XPR1: variants seen among roughly 807,000 people sequenced by gnomAD.
XPR1 encodes xenotropic and polytropic retrovirus receptor 1.
XPR1 carries 28 observed loss-of-function variants against 87.5 expected under a neutral mutation model. The observed-to-expected ratio is 0.32, with a 90% CI of 0.24 to 0.44. The LOEUF (loss-of-function observed/expected upper bound fraction) is 0.44, where lower values mean the gene tolerates loss of function less well. Among genes scored for constraint, XPR1 ranks in the 20% least tolerant of loss-of-function variants. XPR1 has a pLI of 1.00. For missense variants in XPR1, 559 were observed against 862.3 expected (o/e 0.65, Z 4.41); for synonymous variants, 300 against 306.1 (o/e 0.98, Z 0.21).
At chr1:180,663,961 A>T (rs555416373) in intron 1 of XPR1, among the ~76,000 whole-genome samples, 3 of 152,082 alleles carry the variant, frequency 2.0e-5, no homozygotes, top group Non-Finnish European at 4.4e-5. Context: ...ACCAATGTGC[A>T]CTTATGGCCC....
chr1:180,886,454 C>G lies in XPR1; in HGVS notation c.*2388C>G, dbSNP rs1653014440. ...CTGTTTGAATTCCCCAGTGTTTTTACATTAATGTATCCTATGGCCAGTTTA... is the reference window on the plus strand; with the variant it reads ...CTGTTTGAATTCCCCAGTGTTTTTAGATTAATGTATCCTATGGCCAGTTTA... On this transcript the variant is annotated 3_prime_UTR_variant, in exon 15 of 15. Transcript: ENST00000367590. 1 of 152,210 alleles carries G rather than the reference C, an allele frequency of 6.6e-6. No individual in the cohort carries two copies. The highest frequency in any genetic ancestry group is 2.1e-4 in the South Asian group (1 of 4,830). The allele number at this position is 152,210 out of a possible 1,614,324, so 9.4% of individuals were successfully genotyped here.
chr1:180,650,160 G>C (rs933630309), intron 1 of XPR1, among the ~76,000 whole-genome samples: 1 of 150,324 alleles, frequency 6.7e-6, no homozygotes, highest in Non-Finnish European at 1.5e-5. Flanking sequence ...CATTTTAGTG[G>C]GGTTTTGGGA....
At chr1:180,735,064 G>C (rs1022977199) in intron 2 of XPR1, among the ~76,000 whole-genome samples, 11 of 152,182 alleles carry the variant, frequency 7.2e-5, no homozygotes, top group Admixed American at 6.5e-4. Context: ...AATTGGTCTT[G>C]AATATGTTTT....
intron 9 of XPR1, among the ~76,000 whole-genome samples, chr1:180,831,094 C>G (rs1651044789): frequency 1.3e-5 from 2 of 152,158 alleles, no homozygotes; most frequent in Non-Finnish European, 2.9e-5. Flanking sequence ...ACAGTCATTA[C>G]CATGTCATTA....
At chr1:180,762,124 G>A (rs898140997) in intron 2 of XPR1, among the ~76,000 whole-genome samples, 1 of 131,180 alleles carries the variant, frequency 7.6e-6, no homozygotes, top group African/African-American at 2.8e-5. Context: ...ACTGTTGTGG[G>A]GTCGGGGGAG....
chr1:180,746,797 C>A (rs910779991), intron 2 of XPR1, among the ~76,000 whole-genome samples: 2 of 152,168 alleles, frequency 1.3e-5, no homozygotes, highest in African/African-American at 4.8e-5. Context: ...TAGAACTCAG[C>A]CATTCATTAA....
chr1:180,817,511 TATGTTTAGAG>T (rs1270121527), intron 7 of XPR1, among the ~76,000 whole-genome samples: 2 of 152,220 alleles, frequency 1.3e-5, no homozygotes, highest in African/African-American at 4.8e-5. Flanking sequence ...GTGTCTTTTC[TATGTTTAGAG>T]ATGTTTAGAG....
At chr1:180,877,265 C>G (rs1285223372) in intron 13 of XPR1, among the ~76,000 whole-genome samples, 3 of 152,138 alleles carry the variant, frequency 2.0e-5, no homozygotes, top group Non-Finnish European at 4.4e-5. Context: ...CTTATACTGT[C>G]AGATATCAAA....
intron 2 of XPR1, among the ~76,000 whole-genome samples, chr1:180,738,646 T>C (rs1326784947): frequency 1.3e-5 from 2 of 152,218 alleles, no homozygotes; most frequent in African/African-American, 4.8e-5. Flanking sequence ...CATTTCTCTA[T>C]GGGCTCATGG....
chr1:180,808,364 CTG>C (rs1057437563), intron 6 of XPR1, among the ~76,000 whole-genome samples: 2 of 149,704 alleles, frequency 1.3e-5, no homozygotes, highest in Non-Finnish European at 3.0e-5. Context: ...TAAATGAAAA[CTG>C]GAAACTACAA....
chr1:180,702,929 A>G (rs1235622545), intron 2 of XPR1, among the ~76,000 whole-genome samples: 1 of 152,014 alleles, frequency 6.6e-6, no homozygotes, highest in Non-Finnish European at 1.5e-5. Flanking sequence ...TTATGGATTG[A>G]CTTTCTTAGA....
intron 2 of XPR1, among the ~76,000 whole-genome samples, chr1:180,717,045 T>A (rs1232863433): frequency 6.6e-6 from 1 of 152,178 alleles, no homozygotes; most frequent in Non-Finnish European, 1.5e-5. Context: ...CAGGCTGGAG[T>A]GCAATGGCAC....
chr1:180,849,375 G>A (rs188495527), intron 11 of XPR1, among the ~76,000 whole-genome samples: 16 of 152,204 alleles, frequency 1.1e-4, no homozygotes, highest in African/African-American at 1.7e-4. Context: ...ACAAGGCAGC[G>A]TGCTATAATG....
At chr1:180,841,470 G>A (rs943116842) in intron 11 of XPR1, among the ~76,000 whole-genome samples, 1 of 151,966 alleles carries the variant, frequency 6.6e-6, no homozygotes, top group Non-Finnish European at 1.5e-5. Context: ...AAATAATAGA[G>A]TGCACATGAA....
intron 13 of XPR1, 126 bp from the exon 14 acceptor site, chr1:180,879,950 A>T: frequency 3.1e-6 from 3 of 977,906 alleles, no homozygotes; most frequent in Non-Finnish European, 4.6e-6. Flanking sequence ...TCCCTATTTT[A>T]ATATTCAAGC....
rs115184800 is a variant in XPR1 at position 180,793,800 on chromosome 1, G to A, written c.223+5946G>A. Among the ~76,000 whole-genome samples, 547 of 152,042 alleles carry A rather than the reference G, an allele frequency of 3.6e-3. 2 individuals carry two copies. Among genetic ancestry groups the A allele is most frequent in the African/African-American group, 0.013 (529 of 41,460 alleles). On this transcript the variant is annotated intron_variant, in intron 3 of 14. Coordinates refer to ENST00000367590, the MANE Select transcript of XPR1 (RefSeq NM_004736.4). ...TTTGTTAAAAAAAAGTGTTTTATAAGCATCTATTAAAAACAAGCCACGTGA... is the reference window on the plus strand; with the variant it reads ...TTTGTTAAAAAAAAGTGTTTTATAAACATCTATTAAAAACAAGCCACGTGA...
chr1:180,688,229 T>C (rs1571725977), intron 2 of XPR1, among the ~76,000 whole-genome samples: 1 of 150,784 alleles, frequency 6.6e-6, no homozygotes, highest in East Asian at 2.0e-4. Flanking sequence ...ATTTTTGTAT[T>C]TTTAGTAGAG....
intron 2 of XPR1, among the ~76,000 whole-genome samples, chr1:180,782,401 C>T (rs1648974764): frequency 6.6e-6 from 1 of 151,900 alleles, no homozygotes; most frequent in African/African-American, 2.4e-5. Context: ...CTTGAAAGTC[C>T]ATGATCAAGA....
chr1:180,796,538 T>G (rs1649579198), intron 3 of XPR1, among the ~76,000 whole-genome samples: 1 of 152,178 alleles, frequency 6.6e-6, no homozygotes, highest in Non-Finnish European at 1.5e-5. Flanking sequence ...TATATGGGAA[T>G]GTAGGCTACT....
Sources: allele counts gnomAD v4.1 joint callset (sites outside exome capture counted in the v4.1 genomes callset), GRCh38; gene constraint gnomAD v4.1.1; transcripts MANE v1.5; gene names NCBI Gene and HGNC (gene_info 2026-07-23, HGNC 2026-07-21).